Variants in TRIP12 observed in about 807,000 individuals in gnomAD.
TRIP12 encodes the protein thyroid hormone receptor interactor 12, also known as E3 ubiquitin-protein ligase TRIP12.
In TRIP12, 25 loss-of-function variants were observed where a neutral mutation model predicts 244.2. The observed-to-expected ratio is 0.10, with a 90% CI of 0.07 to 0.14. The LOEUF (loss-of-function observed/expected upper bound fraction) is 0.14. Among genes scored for constraint, TRIP12 ranks in the 10% least tolerant of loss-of-function variants. The pLI is 1.00. For missense variants in TRIP12, 1,677 were observed against 2,486.4 expected, an observed-to-expected ratio of 0.67 and a Z score of 6.92; for synonymous variants, 905 against 873.1, an observed-to-expected ratio of 1.04 and a Z score of -0.64.
intron 2 of TRIP12, among the ~76,000 whole-genome samples, chr2:229,864,973 G>A (rs568895916): frequency 2.6e-5 from 4 of 152,032 alleles, no homozygotes; most frequent in Non-Finnish European, 5.9e-5. Flanking sequence ...ACCATCTCTA[G>A]TCCAGAGGAC....
intron 1 of TRIP12, among the ~76,000 whole-genome samples, chr2:229,882,201 G>A (rs936881070): frequency 2.0e-5 from 3 of 152,120 alleles, no homozygotes; most frequent in African/African-American, 7.2e-5. Context: ...CAATCATGTA[G>A]CAAGTGCTCA....
At chr2:229,922,869 C>T (rs569773423), upstream of TRIP12, among the ~76,000 whole-genome samples, 1 of 152,314 alleles carries the variant, frequency 6.6e-6, no homozygotes, top group East Asian at 1.9e-4. Context: ...TTCCCGCCAC[C>T]CCGGCTTCTT....
At chr2:229,817,331 G>GT (rs2048749667) in intron 9 of TRIP12, among the ~76,000 whole-genome samples, 1 of 152,166 alleles carries the variant, frequency 6.6e-6, no homozygotes, top group Non-Finnish European at 1.5e-5. Flanking sequence ...TCTTTTGGTA[G>GT]TGTTTGATTT....
chr2:229,861,621 C>T (rs542058851), intron 2 of TRIP12, among the ~76,000 whole-genome samples: 4 of 152,276 alleles, frequency 2.6e-5, no homozygotes, highest in African/African-American at 7.2e-5. Context: ...CTAACTCAAT[C>T]TGTAAGGATG....
intron 4 of TRIP12, among the ~76,000 whole-genome samples, chr2:229,854,258 A>C (rs1394826655): frequency 1.3e-5 from 2 of 152,182 alleles, no homozygotes; most frequent in African/African-American, 2.4e-5. Flanking sequence ...ATTTAGTTCC[A>C]ACTTACAAAT....
At chr2:229,822,175 A>G (rs2050244305) in intron 8 of TRIP12, among the ~76,000 whole-genome samples, 1 of 150,794 alleles carries the variant, frequency 6.6e-6, no homozygotes, top group African/African-American at 2.5e-5. Flanking sequence ...AAACTGATAG[A>G]GGGGAGAGTA....
chr2:229,774,288 G>T, intron 37 of TRIP12, 27 bp from the exon 38 acceptor site: 2 of 1,578,192 alleles, frequency 1.3e-6, no homozygotes, highest in Non-Finnish European at 1.7e-6. Context: ...GGGGAGAAAT[G>T]GTGTCAAGCA....
intron 1 of TRIP12, among the ~76,000 whole-genome samples, chr2:229,885,379 T>A (rs1275697076): frequency 6.6e-6 from 1 of 151,984 alleles, no homozygotes; most frequent in East Asian, 1.9e-4. Context: ...TGACAAGGAG[T>A]CATATAAACC....
intron 2 of TRIP12, among the ~76,000 whole-genome samples, chr2:229,877,207 T>A (rs2063758879): frequency 6.6e-6 from 1 of 151,552 alleles, no homozygotes; most frequent in African/African-American, 2.4e-5. Flanking sequence ...AGAGTTAGAC[T>A]CTGTCTCTAA....
chr2:229,798,792 A>C, intron 23 of TRIP12, 83 bp downstream of exon 23: 1 of 1,457,574 alleles, frequency 6.9e-7, no homozygotes. Flanking sequence ...TATCGTCTCC[A>C]CACAATAAAC....
At chr2:229,792,370 G>T in intron 27 of TRIP12, 144 bp from the exon 28 acceptor site, 1 of 808,186 alleles carries the variant, frequency 1.2e-6, no homozygotes, top group African/African-American at 1.7e-5. Context: ...GCCCAGAAGT[G>T]TTTTAGATTT....
intron 33 of TRIP12, among the ~76,000 whole-genome samples, chr2:229,786,564 A>ATT (rs34969936): frequency 0.011 from 863 of 78,028 alleles, 43 homozygotes; most frequent in Non-Finnish European, 0.014. Flanking sequence ...CGCCCAGATA[A>ATT]TTTTTTTTTT....
chr2:229,872,202 G>A (rs1252374595), intron 2 of TRIP12, among the ~76,000 whole-genome samples: 9 of 151,748 alleles, frequency 5.9e-5, no homozygotes, highest in Non-Finnish European at 1.0e-4. Context: ...GCCAAGGCAG[G>A]AGGACTGCTT....
rs2041404037 is a variant in TRIP12 at position 229,791,059 on chromosome 2, A to G, written c.4543+65T>C. ...ACTACTAAATCCAAATCACTCTTTG[A>G]AAATCATGAAAATGGGAAGATTGCC... On this transcript the variant is annotated intron_variant, in intron 30 of 41. Transcript: ENST00000675903. 6 of 1,592,814 alleles carry G rather than the reference A, an allele frequency of 3.8e-6. No homozygotes were observed. In the South Asian group the frequency reaches 6.9e-5, roughly 18 times the overall value.
Position 229,796,812 on chromosome 2 carries a change from T to C in TRIP12, c.3625-30A>G, listed in dbSNP as rs372490385. On this transcript the variant is annotated intron_variant, in intron 24 of 41. Transcript: ENST00000675903. ...AAGAGTTAGGAAAAGTATTTCTATA[T>C]TGATTTAAGCAGCACTTAAAAAATA... is the stretch of plus-strand genomic sequence containing the variant. 1.2e-5 allele frequency: 19 copies of C among 1,526,946 alleles called. No homozygotes were observed. In the African/African-American group the frequency reaches 2.0e-4, roughly 16 times the overall value. The allele number at this position is 1,526,946 out of a possible 1,614,324, so 94.6% of individuals were successfully genotyped here. A position where few individuals can be genotyped will look rare whatever the true frequency, so the allele number is the denominator to read the frequency against.
intron 1 of TRIP12, among the ~76,000 whole-genome samples, chr2:229,915,919 T>G (rs112352388): frequency 0.15 from 22,728 of 152,208 alleles, 1,757 homozygotes; most frequent in Admixed American, 0.2. Flanking sequence ...AGTCTCAAAC[T>G]CCTGGGCTCA....
At position 229,799,047 on chromosome 2, in the gene TRIP12, T is replaced by C; in HGVS notation, c.3310A>G (p.Lys1104Glu). 3 of 1,612,702 alleles carry C rather than the reference T, an allele frequency of 1.9e-6. No individual in the cohort carries two copies. The highest frequency in any genetic ancestry group is 2.5e-6 in the Non-Finnish European group (3 of 1,179,694). ...GGTGACTGAGTAGTGGTGGGGCTTT[T>C]AGCTATGAAAAGAAAAAAGAACTAC... ...RDDDKVDNQA[K>E]SPTTTQSPKS... The change falls in exon 23 of 42, where the codon AAA (lysine) becomes GAA (glutamate). Residue 1104 changes from lysine to glutamate, a missense_variant and splice_region_variant. Lys to Glu is a moderately conservative substitution (Grantham distance 56). Around this residue, in one of 11 missense-constraint regions of TRIP12, gnomAD observed 572 missense variants for 867.8 expected, o/e 0.66. Coordinates refer to ENST00000675903, the MANE Select transcript of TRIP12 (RefSeq NM_001348323.3).
At chr2:229,913,409 G>A (rs975195430) in intron 1 of TRIP12, among the ~76,000 whole-genome samples, 2 of 152,148 alleles carry the variant, frequency 1.3e-5, no homozygotes. Context: ...ATAAGTTTCA[G>A]GTCCCTTTTA....
At chr2:229,787,882 A>C (rs963731594) in intron 32 of TRIP12, among the ~76,000 whole-genome samples, 1 of 152,176 alleles carries the variant, frequency 6.6e-6, no homozygotes, top group Non-Finnish European at 1.5e-5. Flanking sequence ...GGCACACTGC[A>C]ACCGCCACCT....
Sources: gnomAD v4.1 joint callset for allele counts (sites outside exome capture counted in the v4.1 genomes callset) on GRCh38, gnomAD v4.1.1 for gene constraint, gnomAD v4.1.1 regional missense constraint, MANE v1.5 for transcripts, NCBI Gene and HGNC (gene_info 2026-07-23, HGNC 2026-07-21) for gene names.